LYRM4: variants seen among roughly 807,000 people sequenced by gnomAD.
LYRM4 encodes the protein LYR motif-containing protein 4.
A neutral mutation model predicts 11.7 loss-of-function variants in LYRM4; 9 were observed. The ratio of observed to expected loss-of-function variants is 0.77; its 90% confidence interval spans 0.46 to 1.34. The LOEUF (loss-of-function observed/expected upper bound fraction) is 1.34. LYRM4 is among the 40% of genes most tolerant of loss of function. The pLI is 0.00. For synonymous variants in LYRM4, 42 were observed against 40.4 expected, an observed-to-expected ratio of 1.04 and a Z score of -0.15; for missense variants, 133 against 112.5, an observed-to-expected ratio of 1.18 and a Z score of -0.82.
At chr6:5,167,055 T>C (rs112702485) in intron 2 of LYRM4, among the ~76,000 whole-genome samples, 11 of 152,186 alleles carry the variant, frequency 7.2e-5, no homozygotes, top group Non-Finnish European at 1.2e-4. Context: ...CAGAAGTTCC[T>C]GTTGCCTGAA....
intron 2 of LYRM4, among the ~76,000 whole-genome samples, chr6:5,165,528 A>AT (rs1209240140): frequency 6.3e-5 from 9 of 142,840 alleles, no homozygotes; most frequent in Admixed American, 1.4e-4. Flanking sequence ...ATGCAAGTTT[A>AT]TTTTTTTTTC....
chr6:5,250,211 C>T (rs1487901738), intron 1 of LYRM4, among the ~76,000 whole-genome samples: 1 of 151,512 alleles, frequency 6.6e-6, no homozygotes, highest in Non-Finnish European at 1.5e-5. Flanking sequence ...TTATATTTTA[C>T]TATATGTATT....
chr6:5,107,740 G>A (rs1762703862), downstream of LYRM4: 1 of 152,190 alleles, frequency 6.6e-6, no homozygotes. Flanking sequence ...ACTTTATCCT[G>A]AAATTGGCAG....
chr6:5,225,328 C>T (rs1302060316), intron 1 of LYRM4, among the ~76,000 whole-genome samples: 1 of 151,976 alleles, frequency 6.6e-6, no homozygotes, highest in Non-Finnish European at 1.5e-5. Flanking sequence ...AATCATTCGC[C>T]CTCTCATTCC....
At chr6:5,164,442 A>G (rs1758948004) in intron 2 of LYRM4, among the ~76,000 whole-genome samples, 1 of 152,230 alleles carries the variant, frequency 6.6e-6, no homozygotes, top group Non-Finnish European at 1.5e-5. Flanking sequence ...ACAAATAATA[A>G]TGAGCAAGAC....
In LYRM4 at chr6:5,183,437, T is replaced by C. The variant is rs1760195887; in HGVS notation, c.207+33181A>G. On this transcript the variant is annotated intron_variant, in intron 2 of 2. Coordinates refer to ENST00000330636, the MANE Select transcript of LYRM4 (RefSeq NM_020408.6). Reference sequence around the variant, plus strand: ...AGCATATAAGCAATGCATTAAATGGTAACTGCTATTATTATTATAGCCATA... The same window carrying C: ...AGCATATAAGCAATGCATTAAATGGCAACTGCTATTATTATTATAGCCATA... Among the ~76,000 whole-genome samples the C allele has an allele frequency of 2.0e-5, 3 of 152,320 alleles. 1 individual carries two copies. In the South Asian group the frequency reaches 6.2e-4, roughly 32 times the overall value.
chr6:5,245,501 G>A lies in LYRM4; in HGVS notation c.86+15147C>T, dbSNP rs563078535. Among the ~76,000 whole-genome samples the A allele has an allele frequency of 6.6e-5, 10 of 152,188 alleles. No homozygotes were observed. In the South Asian group the frequency reaches 2.1e-3, roughly 32 times the overall value. ...CTAGTGAAAATGTGGCAAGAGTGAT[G>A]GGGACATGTTATAGCCAGGACTTTG... On this transcript the variant is annotated intron_variant, in intron 1 of 2. Coordinates refer to ENST00000330636, the MANE Select transcript of LYRM4 (RefSeq NM_020408.6).
chr6:5,247,049 G>T (rs897776449), intron 1 of LYRM4, among the ~76,000 whole-genome samples: 2 of 152,212 alleles, frequency 1.3e-5, no homozygotes, highest in African/African-American at 4.8e-5. Context: ...TCCGGGTGCT[G>T]AGACTGATGG....
At position 5,189,589 on chromosome 6, in the gene LYRM4, A is replaced by G. The variant is rs753259418; in HGVS notation, c.207+27029T>C. ...ACTGAAATTCCAGCCGCAAGGCACC[A>G]TGAAGCTCTACATTATTCCACATGG... On this transcript the variant is annotated intron_variant, in intron 2 of 2. Coordinates refer to ENST00000330636, the MANE Select transcript of LYRM4 (RefSeq NM_020408.6). Among the ~76,000 whole-genome samples the G allele has an allele frequency of 2.6e-5, 4 of 152,348 alleles. No homozygotes were observed. The East Asian group carries it at 5.8e-4, about 22-fold the overall frequency.
chr6:5,215,003 G>C (rs983444553), intron 2 of LYRM4, among the ~76,000 whole-genome samples: 2 of 151,266 alleles, frequency 1.3e-5, no homozygotes, highest in African/African-American at 4.8e-5. Flanking sequence ...CCTGGGAGGG[G>C]AACTCACTGG....
the LYRM4 span, among the ~76,000 whole-genome samples, chr6:5,052,692 G>A: frequency 1.1e-4 from 16 of 152,248 alleles, no homozygotes; most frequent in East Asian, 2.7e-3. Flanking sequence ...TGTACATAAT[G>A]CCACTGAACT....
chr6:5,209,483 G>A (rs148561209), intron 2 of LYRM4, among the ~76,000 whole-genome samples: 33 of 152,224 alleles, frequency 2.2e-4, no homozygotes, highest in African/African-American at 7.2e-4. Context: ...TGATTTAATC[G>A]TAGTTGATTT....
intron 2 of LYRM4, among the ~76,000 whole-genome samples, chr6:5,165,251 A>G (rs1487949546): frequency 6.6e-6 from 1 of 152,196 alleles, no homozygotes; most frequent in Non-Finnish European, 1.5e-5. Flanking sequence ...TACCTGTTAT[A>G]GCAATTTGTC....
At chr6:5,205,399 G>A (rs531650790) in intron 2 of LYRM4, among the ~76,000 whole-genome samples, 5 of 151,944 alleles carry the variant, frequency 3.3e-5, no homozygotes, top group South Asian at 2.1e-4. Flanking sequence ...CAAATCAACT[G>A]GAATACTGCA....
chr6:5,120,477 T>C (rs1763390212), intron 2 of LYRM4, among the ~76,000 whole-genome samples: 1 of 152,122 alleles, frequency 6.6e-6, no homozygotes, highest in South Asian at 2.1e-4. Flanking sequence ...TTAAAGGTGG[T>C]GTGGACCCAA....
chr6:5,180,372 C>T (rs1469267435), intron 2 of LYRM4, among the ~76,000 whole-genome samples: 2 of 152,152 alleles, frequency 1.3e-5, no homozygotes, highest in African/African-American at 2.4e-5. Flanking sequence ...GTTTTCCTGT[C>T]AATATTCAGT....
intron 1 of LYRM4, among the ~76,000 whole-genome samples, chr6:5,226,277 A>G (rs1438357539): frequency 1.3e-5 from 2 of 152,214 alleles, no homozygotes; most frequent in African/African-American, 2.4e-5. Context: ...TCCTGAGGAC[A>G]TTAAGCCATG....
At chr6:5,158,783 G>A (rs1252564553) in intron 2 of LYRM4, among the ~76,000 whole-genome samples, 1 of 152,118 alleles carries the variant, frequency 6.6e-6, no homozygotes, top group African/African-American at 2.4e-5. Context: ...AAGTCTGCAG[G>A]TCTTGAGGTC....
At chr6:5,097,393 G>C in the LYRM4 span, among the ~76,000 whole-genome samples, 1 of 152,262 alleles carries the variant, frequency 6.6e-6, no homozygotes, top group Non-Finnish European at 1.5e-5. Flanking sequence ...ACCCAGGCTG[G>C]AGTGCAGTGG....
Sources: allele counts gnomAD v4.1 joint callset (sites outside exome capture counted in the v4.1 genomes callset), GRCh38; gene constraint gnomAD v4.1.1; transcripts MANE v1.5; gene names NCBI Gene and HGNC (gene_info 2026-07-23, HGNC 2026-07-21).